Variants in TRIM16 observed in about 807,000 individuals in gnomAD.
The protein encoded by TRIM16 is tripartite motif-containing protein 16.
Under a neutral mutation model 50.4 loss-of-function variants are expected in TRIM16, and 33 were observed. That is an observed-to-expected ratio of 0.65 (90% CI 0.50 to 0.88). The LOEUF (loss-of-function observed/expected upper bound fraction) is 0.88, where lower values mean the gene tolerates loss of function less well. Among genes scored for constraint, TRIM16 ranks in the 40% least tolerant of loss-of-function variants. TRIM16 has a pLI of 0.00. For missense variants in TRIM16, 581 were observed against 686.8 expected, an observed-to-expected ratio of 0.85 and a Z score of 1.72; for synonymous variants, 229 against 270.7, an observed-to-expected ratio of 0.85 and a Z score of 1.51.
chr17:15,652,455 CTTTTTTTTTTTTT>C (rs34158100), intron 6 of TRIM16, among the ~76,000 whole-genome samples: 5 of 65,356 alleles, frequency 7.7e-5, no homozygotes, highest in South Asian at 5.9e-4. Flanking sequence ...CGGTGCCCAC[CTTTTTTTTTTTTT>C]TTTTTTTTTT....
intron 8 of TRIM16, among the ~76,000 whole-genome samples, chr17:15,636,481 G>C (rs927266988): frequency 1.3e-5 from 2 of 149,432 alleles, no homozygotes; most frequent in African/African-American, 2.5e-5. Context: ...CATTTGATGA[G>C]AGAGTGAATT....
rs112880422 is a variant in TRIM16, at chr17:15,659,260, A to C, written c.-337-7314T>G. Reference sequence around the variant, plus strand: ...GGTCATTTCTTCCCTAAGTCTCCGAAGGTCTAGTCCTGGGCTGTTCTAGGG... The same window carrying C: ...GGTCATTTCTTCCCTAAGTCTCCGACGGTCTAGTCCTGGGCTGTTCTAGGG... On this transcript the variant is annotated intron_variant, in intron 6 of 11. Transcript: ENST00000649191. Among the ~76,000 whole-genome samples the C allele has an allele frequency of 5.3e-3, 807 of 152,284 alleles. 5 individuals carry two copies. Among genetic ancestry groups the C allele is most frequent in the Middle Eastern group, 0.044 (13 of 294 alleles).
At chr17:15,658,900 G>A (rs1299630011) in intron 6 of TRIM16, 4 of 982,960 alleles carry the variant, frequency 4.1e-6, no homozygotes, top group Non-Finnish European at 4.8e-6. Flanking sequence ...ATGGCCTCTT[G>A]GATCACTTTG....
intron 7 of TRIM16, among the ~76,000 whole-genome samples, chr17:15,650,622 T>C (rs1388197875): frequency 6.6e-6 from 1 of 152,182 alleles, no homozygotes; most frequent in African/African-American, 2.4e-5. Context: ...ACTGGTCTCT[T>C]GTTTGAGAAA....
At chr17:15,680,715 A>C in intron 4 of TRIM16, 150 bp downstream of exon 4, 1 of 808,464 alleles carries the variant, frequency 1.2e-6, no homozygotes, top group African/African-American at 1.8e-5. Context: ...CTTTCCTTTC[A>C]AACTGCTGTG....
chr17:15,638,231 C>A, intron 8 of TRIM16, among the ~76,000 whole-genome samples: 2 of 117,712 alleles, frequency 1.7e-5, no homozygotes, highest in Non-Finnish European at 1.7e-5. Flanking sequence ...GAGAAACACC[C>A]AAGAATTATC....
Position 15,677,208 on chromosome 17 carries a change from T to C in TRIM16, c.-370A>G, listed in dbSNP as rs1988988059. 1.0e-6 allele frequency: 1 copy of C among 985,426 alleles called. No individual in the cohort carries two copies. Among genetic ancestry groups the C allele is most frequent in the East Asian group, 1.1e-4 (1 of 8,814 alleles). 61.0% of individuals were successfully genotyped at this position (985,426 alleles called of 1,614,324 possible). On this transcript the variant is annotated 5_prime_UTR_variant, in exon 6 of 12. Transcript: ENST00000649191. ...GCTGCTTCTTGGCACCTCTCCCTCC[T>C]GCATTTGTGTTCGTGGGCTTACCAC...
Position 15,628,995 on chromosome 17 carries a change from C to T in TRIM16, c.1315G>A (p.Gly439Ser). 3 of 1,614,144 alleles carry T rather than the reference C, an allele frequency of 1.9e-6. No homozygotes were observed. The highest frequency in any genetic ancestry group is 1.1e-5 in the South Asian group (1 of 91,082). Residue 439 changes from glycine to serine, a missense_variant, in exon 12 of 12, where the codon GGC becomes AGC. Physicochemically the swap from Gly to Ser is moderately conservative, Grantham distance 56. Coordinates refer to ENST00000649191, the MANE Select transcript of TRIM16 (RefSeq NM_001348119.1). Reference sequence around the variant, plus strand: ...TTGCAGGTCAGGCCAACATAGGTGCCTGCCCCGAAGATCTCCACCTCAAAA... The same window carrying T: ...TTGCAGGTCAGGCCAACATAGGTGCTTGCCCCGAAGATCTCCACCTCAAAA... ...YYFEVEIFGA[G>S]TYVGLTCKGI...
intron 8 of TRIM16, 125 bp downstream of exon 8, chr17:15,642,596 G>A: frequency 1.5e-6 from 2 of 1,341,832 alleles, no homozygotes; most frequent in Admixed American, 2.2e-5. Flanking sequence ...ACCGCATGGT[G>A]TAGTCAACTG....
intron 8 of TRIM16, among the ~76,000 whole-genome samples, chr17:15,639,479 T>C (rs146013213): frequency 0.019 from 2,794 of 147,378 alleles, 195 homozygotes; most frequent in African/African-American, 0.067. Context: ...ATGGTAGACT[T>C]TATCCAAATT....
chr17:15,675,833 A>AAT (rs942490310), intron 6 of TRIM16, among the ~76,000 whole-genome samples: 1 of 147,574 alleles, frequency 6.8e-6, no homozygotes, highest in Non-Finnish European at 1.5e-5. Flanking sequence ...ATAATATAAA[A>AAT]ATATATATAT....
At chr17:15,648,256 C>T (rs1044043628) in intron 7 of TRIM16, among the ~76,000 whole-genome samples, 1 of 137,020 alleles carries the variant, frequency 7.3e-6, no homozygotes, top group Middle Eastern at 3.5e-3. Context: ...AACAAACAAA[C>T]AAACAAACAA....
intron 4 of TRIM16, among the ~76,000 whole-genome samples, chr17:15,680,198 A>G (rs1033470092): frequency 1.1e-4 from 16 of 152,164 alleles, no homozygotes; most frequent in African/African-American, 3.6e-4. Context: ...TTAGCCTAGG[A>G]GCTGCTTAAA....
intron 5 of TRIM16, 26 bp from the exon 6 acceptor site, chr17:15,677,306 T>A (rs1185621031): frequency 1.0e-6 from 1 of 984,784 alleles, no homozygotes; most frequent in Non-Finnish European, 1.2e-6. Flanking sequence ...CAGAATGTAA[T>A]TTTAAGTTCA....
chr17:15,669,126 G>A (rs1317860283), intron 6 of TRIM16, among the ~76,000 whole-genome samples: 1 of 151,682 alleles, frequency 6.6e-6, no homozygotes, highest in Non-Finnish European at 1.5e-5. Context: ...GTTTGGGAGA[G>A]AAAAAGGCAC....
At chr17:15,681,910 T>G (rs1435610704) in intron 3 of TRIM16, among the ~76,000 whole-genome samples, 1 of 152,212 alleles carries the variant, frequency 6.6e-6, no homozygotes, top group Non-Finnish European at 1.5e-5. Context: ...AAGTACAGGG[T>G]TTCACAATTT....
At chr17:15,654,221 T>C (rs1987865510) in intron 6 of TRIM16, 1 of 152,200 alleles carries the variant, frequency 6.6e-6, no homozygotes, top group South Asian at 2.1e-4. Flanking sequence ...CCGAAGACTT[T>C]ACAAATTCAT....
intron 6 of TRIM16, among the ~76,000 whole-genome samples, chr17:15,671,692 G>T (rs1988736848): frequency 6.6e-6 from 1 of 152,088 alleles, no homozygotes; most frequent in Non-Finnish European, 1.5e-5. Context: ...CCCTCATCAT[G>T]ATGATAATGA....
chr17:15,654,651 ACT>A (rs1987886865), intron 6 of TRIM16, among the ~76,000 whole-genome samples: 1 of 152,172 alleles, frequency 6.6e-6, no homozygotes, highest in Non-Finnish European at 1.5e-5. Flanking sequence ...AGGCAGATAA[ACT>A]CAAGTTGTAA....
Sources: gnomAD v4.1 joint callset for allele counts (sites outside exome capture counted in the v4.1 genomes callset) on GRCh38, gnomAD v4.1.1 for gene constraint, MANE v1.5 for transcripts, NCBI Gene and HGNC (gene_info 2026-07-23, HGNC 2026-07-21) for gene names.